DPP10: variants seen among roughly 807,000 people sequenced by gnomAD.
DPP10 encodes dipeptidyl peptidase like 10, also known as inactive dipeptidyl peptidase 10.
Under a neutral mutation model 120.9 loss-of-function variants are expected in DPP10, and 33 were observed. The observed-to-expected ratio is 0.27, with a 90% CI of 0.21 to 0.37. The LOEUF (loss-of-function observed/expected upper bound fraction) is 0.37. DPP10 is among the 10% of genes least tolerant of loss of function. The pLI, the probability that DPP10 is intolerant of heterozygous loss-of-function variation, is 1.00. For missense variants in DPP10, 816 were observed against 942.8 expected (o/e 0.87, Z 1.76); for synonymous variants, 337 against 326.1 (o/e 1.03, Z -0.36).
chr2:115,594,215 T>C (rs1166016688), intron 5 of DPP10, among the ~76,000 whole-genome samples: 1 of 152,126 alleles, frequency 6.6e-6, no homozygotes, highest in Admixed American at 6.6e-5. Context: ...TTAACCACTA[T>C]CTCTATTTAT....
intron 1 of DPP10, among the ~76,000 whole-genome samples, chr2:115,039,542 G>C (rs1029016613): frequency 1.3e-5 from 2 of 152,048 alleles, no homozygotes; most frequent in Non-Finnish European, 2.9e-5. Context: ...CCTTCCCAGT[G>C]GTTTGTTTTT....
intron 1 of DPP10, among the ~76,000 whole-genome samples, chr2:114,766,000 G>A (rs1238357558): frequency 2.0e-5 from 3 of 152,224 alleles, no homozygotes; most frequent in East Asian, 3.9e-4. Context: ...AATGTAATAT[G>A]TAAACCACCA....
At chr2:114,788,853 T>C (rs987745603) in intron 1 of DPP10, among the ~76,000 whole-genome samples, 4 of 152,162 alleles carry the variant, frequency 2.6e-5, no homozygotes, top group African/African-American at 9.7e-5. Context: ...TTCAATCTTT[T>C]TTAACGGCAT....
At chr2:115,736,466 T>C (rs572155222) in intron 8 of DPP10, among the ~76,000 whole-genome samples, 5 of 151,918 alleles carry the variant, frequency 3.3e-5, no homozygotes, top group Admixed American at 1.3e-4. Flanking sequence ...TGCCACAAAA[T>C]ATTTCCTTTT....
intron 1 of DPP10, among the ~76,000 whole-genome samples, chr2:115,054,490 T>C (rs1191575224): frequency 1.3e-5 from 2 of 152,212 alleles, no homozygotes; most frequent in African/African-American, 4.8e-5. Context: ...AGTGCACTGT[T>C]GGGTTCATTT....
intron 2 of DPP10, among the ~76,000 whole-genome samples, chr2:115,321,111 C>A (rs1559417148): frequency 6.6e-6 from 1 of 152,102 alleles, no homozygotes; most frequent in Non-Finnish European, 1.5e-5. Flanking sequence ...ACCAGCCTGG[C>A]CAACATGGCA....
rs142115167 is a variant in DPP10, at chr2:114,838,662, G to T, written c.60+395824G>T. Reference sequence around the variant, plus strand: ...AGTCTGATTTTTAAAATACCGAAAGGTATACCCTCCAATTTCTCCCTAGGA... The same window carrying T: ...AGTCTGATTTTTAAAATACCGAAAGTTATACCCTCCAATTTCTCCCTAGGA... On this transcript the variant is annotated intron_variant, in intron 1 of 25. Coordinates refer to ENST00000410059, the MANE Select transcript of DPP10 (RefSeq NM_020868.6). Among the ~76,000 whole-genome samples the T allele has an allele frequency of 1.6e-4, 24 of 152,178 alleles. No homozygotes were observed. The East Asian group carries it at 3.1e-3, about 20-fold the overall frequency.
At chr2:114,453,343 G>T (rs545292703) in intron 1 of DPP10, among the ~76,000 whole-genome samples, 5 of 152,048 alleles carry the variant, frequency 3.3e-5, no homozygotes, top group Admixed American at 1.3e-4. Context: ...AAGAAGTCTC[G>T]TCTCCTTTCA....
chr2:115,043,018 C>A (rs181493637), intron 1 of DPP10, among the ~76,000 whole-genome samples: 23 of 152,172 alleles, frequency 1.5e-4, no homozygotes, highest in African/African-American at 5.3e-4. Context: ...GTTATCTGAC[C>A]AAGGCCAAAA....
chr2:114,531,138 A>C (rs1483549198), intron 1 of DPP10, among the ~76,000 whole-genome samples: 2 of 152,154 alleles, frequency 1.3e-5, no homozygotes, highest in African/African-American at 4.8e-5. Context: ...ACATGTATTA[A>C]GCCATTCCAT....
chr2:115,550,364 A>T (rs2079799001), intron 5 of DPP10, among the ~76,000 whole-genome samples: 1 of 152,120 alleles, frequency 6.6e-6, no homozygotes, highest in East Asian at 1.9e-4. Flanking sequence ...CAATCCCTGT[A>T]ACATTGCTAT....
At chr2:115,129,552 T>C (rs2050236975) in intron 1 of DPP10, among the ~76,000 whole-genome samples, 1 of 152,332 alleles carries the variant, frequency 6.6e-6, no homozygotes, top group East Asian at 1.9e-4. Flanking sequence ...ATTTAATATA[T>C]GCTTAATGAA....
chr2:114,547,162 T>C (rs1192567290), intron 1 of DPP10, among the ~76,000 whole-genome samples: 1 of 152,278 alleles, frequency 6.6e-6, no homozygotes, highest in Non-Finnish European at 1.5e-5. Flanking sequence ...TTTGAGATTC[T>C]TCATAATTTT....
intron 1 of DPP10, among the ~76,000 whole-genome samples, chr2:114,683,663 G>A (rs780361878): frequency 1.3e-5 from 2 of 150,416 alleles, no homozygotes; most frequent in Non-Finnish European, 3.0e-5. Context: ...ATGCAATCAT[G>A]ACAGTGAATA....
At chr2:114,493,478 G>A (rs568752423) in intron 1 of DPP10, among the ~76,000 whole-genome samples, 6 of 152,050 alleles carry the variant, frequency 3.9e-5, no homozygotes, top group Admixed American at 1.3e-4. Flanking sequence ...GGTAGGAACC[G>A]GTAAGAGGAC....
chr2:114,795,570 G>A (rs752194816), intron 1 of DPP10, among the ~76,000 whole-genome samples: 43 of 151,802 alleles, frequency 2.8e-4, no homozygotes, highest in African/African-American at 4.8e-4. Context: ...ATAGTGCACC[G>A]TTCTCAATTC....
intron 5 of DPP10, among the ~76,000 whole-genome samples, chr2:115,646,060 ACACACG>A (rs2087221559): frequency 6.6e-6 from 1 of 152,128 alleles, no homozygotes; most frequent in African/African-American, 2.4e-5. Context: ...CATCACACAC[ACACACG>A]CACATGCACA....
chr2:115,600,088 G>C (rs979918725), intron 5 of DPP10, among the ~76,000 whole-genome samples: 1 of 151,906 alleles, frequency 6.6e-6, no homozygotes, highest in Admixed American at 6.6e-5. Context: ...TTTTTTTGAT[G>C]AGAAGTCATT....
intron 1 of DPP10, among the ~76,000 whole-genome samples, chr2:114,452,543 G>A (rs147793128): frequency 1.6e-3 from 249 of 152,172 alleles, no homozygotes; most frequent in Middle Eastern, 0.01. Context: ...ATAGGCAAAC[G>A]TGAGCATTGT....
Sources: allele counts gnomAD v4.1 joint callset (sites outside exome capture counted in the v4.1 genomes callset), GRCh38; gene constraint gnomAD v4.1.1; transcripts MANE v1.5; gene names NCBI Gene and HGNC (gene_info 2026-07-23, HGNC 2026-07-21).